The following NEO1 variants were observed in gnomAD, a reference collection of about 807,000 sequenced individuals.
The protein encoded by NEO1 is neogenin.
A neutral mutation model predicts 159.7 loss-of-function variants in NEO1; 63 were observed. The ratio of observed to expected loss-of-function variants is 0.39; its 90% confidence interval spans 0.32 to 0.49. NEO1 has a LOEUF of 0.49. Ranked by LOEUF, NEO1 falls within the 20% of genes least tolerant of loss-of-function variation. The probability of loss-of-function intolerance (pLI) is 0.85; values close to 1 mark genes in which losing one functional copy is unlikely to be tolerated. For synonymous variants in NEO1, 633 were observed against 662.0 expected (o/e 0.96, Z 0.67); for missense variants, 1,615 against 1,831.0 (o/e 0.88, Z 2.15).
intron 7 of NEO1, among the ~76,000 whole-genome samples, chr15:73,193,573 G>T (rs1486914414): frequency 2.0e-5 from 3 of 148,622 alleles, no homozygotes; most frequent in African/African-American, 7.5e-5. Context: ...TTGGTCAGAT[G>T]TATCATTTTG....
rs748206668 is a variant in NEO1, at chr15:73,302,606, TC to T, written c.4303-5del. On this transcript the variant is annotated splice_polypyrimidine_tract_variant and splice_region_variant and intron_variant, in intron 28 of 28. Coordinates refer to ENST00000261908, the MANE Select transcript of NEO1 (RefSeq NM_002499.4). ...CCAGCCCAGTAACAGTGTTTTCTTT[TC>T]CATAGAGCTATGAACCAGATGAGCT... 2 of 1,613,386 alleles carry T rather than the reference TC, an allele frequency of 1.2e-6. No individual in the cohort carries two copies. The highest frequency in any genetic ancestry group is 1.6e-4 in the Middle Eastern group (1 of 6,062).
At chr15:73,159,455 A>G (rs1270340563) in intron 5 of NEO1, among the ~76,000 whole-genome samples, 1 of 152,158 alleles carries the variant, frequency 6.6e-6, no homozygotes, top group African/African-American at 2.4e-5. Flanking sequence ...TACAGTGGGC[A>G]GAAGGAGTAT....
At chr15:73,259,186 T>G (rs558376807) in intron 14 of NEO1, 1 of 236,506 alleles carries the variant, frequency 4.2e-6, no homozygotes, top group East Asian at 9.4e-5. Context: ...GCCACATAAA[T>G]CATGCCTTTA....
chr15:73,249,183 TG>T lies in NEO1; in HGVS notation c.1732del (p.Glu578LysfsTer22). On this transcript the variant is annotated frameshift_variant, in exon 10 of 29. Transcript: ENST00000261908. LOFTEE classifies it high-confidence loss of function. ...ATTCAGAATTATAAATTGTACTACATGGAAAAGGGGACTGATAAAGAACAGG... is the reference window on the plus strand; with the variant it reads ...ATTCAGAATTATAAATTGTACTACATGAAAAGGGGACTGATAAAGAACAGG... The part of the protein sequence containing the change: ...GEIQNYKLYY[M>X]EKGTDKEQDV... 6.2e-7 allele frequency: 1 copy of T among 1,613,960 alleles called. No homozygotes were observed. The highest frequency in any genetic ancestry group is 8.5e-7 in the Non-Finnish European group (1 of 1,179,906).
At chr15:73,178,492 C>A (rs1252031820) in intron 7 of NEO1, 65 bp downstream of exon 7, 3 of 1,575,544 alleles carry the variant, frequency 1.9e-6, no homozygotes, top group Non-Finnish European at 2.6e-6. Context: ...ACCCATCCGT[C>A]CAAATAACTC....
intron 5 of NEO1, among the ~76,000 whole-genome samples, chr15:73,170,165 T>A (rs938958643): frequency 2.0e-5 from 3 of 152,178 alleles, no homozygotes; most frequent in African/African-American, 7.2e-5. Context: ...AATTGGACTA[T>A]AATGTACCTA....
intron 1 of NEO1, among the ~76,000 whole-genome samples, chr15:73,110,536 ATGT>A (rs1180713385): frequency 6.6e-6 from 1 of 152,158 alleles, no homozygotes; most frequent in Non-Finnish European, 1.5e-5. Context: ...TGATTTGTTG[ATGT>A]TGTTGGGAGT....
intron 23 of NEO1, among the ~76,000 whole-genome samples, chr15:73,287,873 C>A (rs1461391493): frequency 7.4e-6 from 1 of 135,976 alleles, no homozygotes; most frequent in East Asian, 2.3e-4. Context: ...AGCAAAACTC[C>A]ATCTCAAAAA....
At chr15:73,109,127 A>T (rs1042184070) in intron 1 of NEO1, among the ~76,000 whole-genome samples, 1 of 152,222 alleles carries the variant, frequency 6.6e-6, no homozygotes, top group East Asian at 1.9e-4. Context: ...AAATATGCGT[A>T]GAAGTACAGT....
At chr15:73,280,806 G>A (rs1243423415) in intron 22 of NEO1, among the ~76,000 whole-genome samples, 1 of 152,126 alleles carries the variant, frequency 6.6e-6, no homozygotes, top group Admixed American at 6.5e-5. Flanking sequence ...CCCAGATTTA[G>A]CACTGTACTT....
At chr15:73,083,187 T>C (rs2069163098) in intron 1 of NEO1, among the ~76,000 whole-genome samples, 1 of 152,032 alleles carries the variant, frequency 6.6e-6, no homozygotes, top group South Asian at 2.1e-4. Context: ...TAATGAGAAA[T>C]GAATTGGAGC....
intron 4 of NEO1, among the ~76,000 whole-genome samples, chr15:73,128,556 G>C (rs2030643362): frequency 6.6e-6 from 1 of 152,164 alleles, no homozygotes; most frequent in African/African-American, 2.4e-5. Context: ...GCTGGGAATA[G>C]AGTAGTGAAC....
intron 7 of NEO1, among the ~76,000 whole-genome samples, chr15:73,218,749 A>C (rs1053077898): frequency 3.9e-5 from 6 of 152,076 alleles, no homozygotes; most frequent in African/African-American, 1.4e-4. Flanking sequence ...GGTAGTTTGT[A>C]TTTCTGTGGG....
chr15:73,242,398 T>G (rs79169702), intron 8 of NEO1, among the ~76,000 whole-genome samples: 1,948 of 152,262 alleles, frequency 0.013, 31 homozygotes, highest in African/African-American at 0.044. Flanking sequence ...CCAGGTGTGG[T>G]GGTTCATGCC....
At chr15:73,052,260 G>C (rs1327997107), upstream of NEO1, among the ~76,000 whole-genome samples, 1 of 145,768 alleles carries the variant, frequency 6.9e-6, no homozygotes, top group Non-Finnish European at 1.5e-5. Flanking sequence ...GTGCGGGCGA[G>C]GCGCGCGCGT....
intron 7 of NEO1, among the ~76,000 whole-genome samples, chr15:73,182,732 C>T (rs1216427457): frequency 6.6e-6 from 1 of 152,062 alleles, no homozygotes; most frequent in Non-Finnish European, 1.5e-5. Context: ...ATGGGGAGAA[C>T]CACCCCCATG....
At chr15:73,090,422 G>C (rs2069623321) in intron 1 of NEO1, among the ~76,000 whole-genome samples, 1 of 152,146 alleles carries the variant, frequency 6.6e-6, no homozygotes, top group South Asian at 2.1e-4. Context: ...GAGAATGAGA[G>C]ACAGGAGTTA....
intron 1 of NEO1, among the ~76,000 whole-genome samples, chr15:73,112,750 G>A (rs1268362840): frequency 6.6e-6 from 1 of 152,076 alleles, no homozygotes; most frequent in Non-Finnish European, 1.5e-5. Context: ...TTTATATGTT[G>A]TTTTCCTCTC....
chr15:73,231,056 C>T (rs1230336535), intron 7 of NEO1, among the ~76,000 whole-genome samples: 1 of 152,062 alleles, frequency 6.6e-6, no homozygotes, highest in African/African-American at 2.4e-5. Context: ...GATATGTATG[C>T]ATTTATAATT....
Sources: allele counts gnomAD v4.1 joint callset (sites outside exome capture counted in the v4.1 genomes callset), GRCh38; gene constraint gnomAD v4.1.1; transcripts MANE v1.5; gene names NCBI Gene and HGNC (gene_info 2026-07-23, HGNC 2026-07-21).